CSMD1: variants seen among roughly 807,000 people sequenced by gnomAD.
CSMD1 encodes the protein CUB and sushi domain-containing protein 1.
A neutral mutation model predicts 417.5 loss-of-function variants in CSMD1; 213 were observed. That is an observed-to-expected ratio of 0.51 (90% confidence interval 0.46 to 0.57). CSMD1 has a LOEUF of 0.57. Ranked by LOEUF, CSMD1 falls within the 20% of genes least tolerant of loss-of-function variation. CSMD1 has a pLI of 0.00. For missense variants in CSMD1, 6,923 were observed against 4,529.7 expected, an observed-to-expected ratio of 1.53 and a Z score of -15.17; for synonymous variants, 2,862 against 1,736.8, an observed-to-expected ratio of 1.65 and a Z score of -16.11.
intron 18 of CSMD1, among the ~76,000 whole-genome samples, chr8:3,383,768 A>G (rs147386183): frequency 2.0e-5 from 3 of 152,256 alleles, no homozygotes; most frequent in Non-Finnish European, 2.9e-5. Context: ...GAGATGCTTT[A>G]TAAGAGATGA....
chr8:4,455,962 A>AAAAAAAAAAAAAC (rs1741947895), intron 2 of CSMD1, among the ~76,000 whole-genome samples: 1 of 145,154 alleles, frequency 6.9e-6, no homozygotes, highest in East Asian at 2.0e-4. Context: ...AAAAAAAAAA[A>AAAAAAAAAAAAAC]ATGCAGTTAA....
intron 5 of CSMD1, among the ~76,000 whole-genome samples, chr8:3,805,851 T>G (rs1800704762): frequency 6.6e-6 from 1 of 152,168 alleles, no homozygotes; most frequent in South Asian, 2.1e-4. Context: ...GACAAAAATT[T>G]CATGCCTCAG....
chr8:4,940,564 G>A (rs1403899654), intron 1 of CSMD1, among the ~76,000 whole-genome samples: 1 of 152,170 alleles, frequency 6.6e-6, no homozygotes, highest in Admixed American at 6.5e-5. Context: ...GTATCAACTA[G>A]CCTCGTGAAG....
intron 1 of CSMD1, among the ~76,000 whole-genome samples, chr8:4,804,929 C>T (rs370457726): frequency 4.6e-5 from 7 of 152,106 alleles, no homozygotes; most frequent in East Asian, 3.9e-4. Flanking sequence ...ACACTTAAAG[C>T]GGTTTACTTA....
At chr8:3,636,738 C>A (rs771595158) in intron 7 of CSMD1, among the ~76,000 whole-genome samples, 1 of 152,136 alleles carries the variant, frequency 6.6e-6, no homozygotes, top group African/African-American at 2.4e-5. Context: ...GCTGGCTCAG[C>A]GAGGATGGCA....
chr8:3,738,355 G>C (rs1329606054), intron 6 of CSMD1, among the ~76,000 whole-genome samples: 1 of 152,152 alleles, frequency 6.6e-6, no homozygotes, highest in African/African-American at 2.4e-5. Context: ...CAGGCATTGG[G>C]GCCTGGCAAA....
At chr8:3,311,269 G>A (rs112733904) in intron 23 of CSMD1, among the ~76,000 whole-genome samples, 1 of 150,960 alleles carries the variant, frequency 6.6e-6, no homozygotes, top group South Asian at 2.1e-4. Context: ...TTTTTTTTTT[G>A]GAAATGCAGT....
At chr8:4,334,528 C>T (rs1346911042) in intron 3 of CSMD1, among the ~76,000 whole-genome samples, 1 of 152,096 alleles carries the variant, frequency 6.6e-6, no homozygotes, top group Non-Finnish European at 1.5e-5. Flanking sequence ...GAGCTAATTC[C>T]TTAAAATAAA....
At chr8:3,391,413 A>G (rs1178700922) in intron 17 of CSMD1, among the ~76,000 whole-genome samples, 1 of 152,212 alleles carries the variant, frequency 6.6e-6, no homozygotes, top group Admixed American at 6.5e-5. Context: ...TTTATTTTCC[A>G]ATTTCTTACA....
At chr8:4,382,055 C>T (rs957060055) in intron 3 of CSMD1, among the ~76,000 whole-genome samples, 2 of 152,156 alleles carry the variant, frequency 1.3e-5, no homozygotes, top group Non-Finnish European at 2.9e-5. Context: ...GACACCAGAA[C>T]TGGGACTCTC....
chr8:4,222,911 C>T (rs879793396), intron 3 of CSMD1, among the ~76,000 whole-genome samples: 4 of 151,786 alleles, frequency 2.6e-5, no homozygotes, highest in Admixed American at 6.6e-5. Context: ...GAAAGTTATG[C>T]AAAGCGTTTA....
At chr8:3,671,765 C>A (rs7838406) in intron 7 of CSMD1, among the ~76,000 whole-genome samples, 17,809 of 151,534 alleles carry the variant, frequency 0.12, 1,129 homozygotes, top group African/African-American at 0.15. Context: ...GCCCCTTGCT[C>A]AGGTGCTGTT....
At chr8:2,990,653 T>A (rs1806305556) in intron 54 of CSMD1, among the ~76,000 whole-genome samples, 1 of 152,144 alleles carries the variant, frequency 6.6e-6, no homozygotes, top group Non-Finnish European at 1.5e-5. Flanking sequence ...TCCTCCTCCC[T>A]CCTAAATAAG....
chr8:3,126,724 T>C (rs1253186514), intron 41 of CSMD1, among the ~76,000 whole-genome samples: 1 of 152,210 alleles, frequency 6.6e-6, no homozygotes, highest in Non-Finnish European at 1.5e-5. Flanking sequence ...TTATGCTCCA[T>C]TTGTTCTCTT....
intron 5 of CSMD1, among the ~76,000 whole-genome samples, chr8:3,815,777 A>C (rs1303922052): frequency 6.6e-6 from 1 of 152,116 alleles, no homozygotes; most frequent in African/African-American, 2.4e-5. Context: ...TGTTCATTTG[A>C]TCTATAGTAG....
At chr8:4,621,355 C>T (rs145370130) in intron 2 of CSMD1, among the ~76,000 whole-genome samples, 68 of 152,010 alleles carry the variant, frequency 4.5e-4, no homozygotes, top group African/African-American at 6.0e-4. Flanking sequence ...CATGTTGGCA[C>T]GAAACAATTT....
chr8:3,225,804 G>A (rs1798469378), intron 27 of CSMD1, among the ~76,000 whole-genome samples: 1 of 152,142 alleles, frequency 6.6e-6, no homozygotes, highest in African/African-American at 2.4e-5. Context: ...CTCTCTTTTG[G>A]TCTGGTATTC....
At chr8:4,279,248 A>G (rs1796650410) in intron 3 of CSMD1, among the ~76,000 whole-genome samples, 1 of 152,196 alleles carries the variant, frequency 6.6e-6, no homozygotes, top group African/African-American at 2.4e-5. Flanking sequence ...ACAAGTGTGC[A>G]AGCCACATTT....
chr8:4,471,329 A>T (rs1486189494), intron 2 of CSMD1, among the ~76,000 whole-genome samples: 1 of 152,218 alleles, frequency 6.6e-6, no homozygotes, highest in African/African-American at 2.4e-5. Context: ...GGCAATAGTG[A>T]TCACTATATC....
Sources: gnomAD v4.1 joint callset for allele counts (sites outside exome capture counted in the v4.1 genomes callset) on GRCh38, gnomAD v4.1.1 for gene constraint, MANE v1.5 for transcripts, NCBI Gene and HGNC (gene_info 2026-07-23, HGNC 2026-07-21) for gene names.